The following C7 variants were observed in gnomAD, a reference collection of about 807,000 sequenced individuals.
C7 encodes complement component C7.
In C7, 83 loss-of-function variants were observed where a neutral mutation model predicts 104.8. The ratio of observed to expected loss-of-function variants is 0.79; its 90% CI spans 0.66 to 0.95. The LOEUF is 0.95. Ranked by LOEUF, C7 falls within the 40% of genes least tolerant of loss-of-function variation. The pLI is 0.00. For synonymous variants in C7, 415 were observed against 360.6 expected, an observed-to-expected ratio of 1.15 and a Z score of -1.71; for missense variants, 1,070 against 1,011.2, an observed-to-expected ratio of 1.06 and a Z score of -0.79.
Position 40,981,556 on chromosome 5 carries a change from G to A in C7, c.2515G>A (p.Ala839Thr), listed in dbSNP as rs1477390915. The A allele has an allele frequency of 8.1e-6, 13 of 1,610,740 alleles. No individual in the cohort carries two copies. The highest frequency in any genetic ancestry group is 1.1e-5 in the Non-Finnish European group (13 of 1,177,596). The change falls in exon 18 of 18, where the codon GCT (alanine) becomes ACT (threonine). Residue 839 changes from alanine (A) to threonine (T), a missense_variant. Transcript: ENST00000313164. ...CTCTGTCACCAGCATAAGGCCTTGT[G>A]CTGCGGAAACCCAGTAGGCTCCTGG... is the stretch of plus-strand genomic sequence containing the variant. The part of the protein sequence containing the change: ...SISVTSIRPC[A>T]AETQ
At position 40,967,634 on chromosome 5, in the gene C7, A is replaced by G. The variant is rs145339922; in HGVS notation, c.1882+2761A>G. On this transcript the variant is annotated intron_variant, in intron 14 of 17. Transcript: ENST00000313164. ...ATCATCCTGTATTTGGGTGTGCTGT[A>G]TTTATTTTTATCCTGTATCACCAAG... The G allele has an allele frequency of 3.2e-3, 630 of 198,138 alleles. 5 individuals are homozygous for G. The highest frequency in any genetic ancestry group is 0.014 in the African/African-American group (598 of 42,646). The allele number at this position is 198,138 out of a possible 1,614,324, so 12.3% of individuals were successfully genotyped here.
intron 14 of C7, among the ~76,000 whole-genome samples, chr5:40,970,740 T>G (rs1740681199): frequency 6.6e-6 from 1 of 152,158 alleles, no homozygotes; most frequent in African/African-American, 2.4e-5. Context: ...GTATTTTTCC[T>G]AATGCTTTCC....
rs1741022836 is a variant in C7, at chr5:40,984,499, C to G, written c.*2926C>G. Among the ~76,000 whole-genome samples the G allele has an allele frequency of 6.6e-6, 1 of 152,206 alleles. No individual in the cohort carries two copies. Among genetic ancestry groups the G allele is most frequent in the Non-Finnish European group, 1.5e-5 (1 of 68,028 alleles). ...GCTAAGAGCTGCAAGTGCTGAGCAGCTGGTTTATACAGCATTCCCTGAAAC... is the reference window on the plus strand; with the variant it reads ...GCTAAGAGCTGCAAGTGCTGAGCAGGTGGTTTATACAGCATTCCCTGAAAC... On this transcript the variant is annotated 3_prime_UTR_variant, in exon 18 of 18. Coordinates refer to ENST00000313164, the MANE Select transcript of C7 (RefSeq NM_000587.4).
At chr5:40,939,608 G>A (rs1402887257) in intron 6 of C7, among the ~76,000 whole-genome samples, 1 of 152,216 alleles carries the variant, frequency 6.6e-6, no homozygotes, top group Non-Finnish European at 1.5e-5. Flanking sequence ...CCAGAAAGGA[G>A]AATGTAAGAC....
intron 6 of C7, among the ~76,000 whole-genome samples, chr5:40,943,625 C>T (rs906298489): frequency 3.4e-5 from 5 of 148,952 alleles, no homozygotes; most frequent in African/African-American, 9.9e-5. Context: ...AGATAATAAA[C>T]TAAATATTTT....
At position 40,972,334 on chromosome 5, in the gene C7, A is replaced by C. The variant is rs552066347; in HGVS notation, c.1883-69A>C. 3.8e-6 allele frequency: 5 copies of C among 1,318,872 alleles called. No homozygotes were observed. In the South Asian group the frequency reaches 6.1e-5, roughly 16 times the overall value. The allele number at this position is 1,318,872 out of a possible 1,614,324, so 81.7% of individuals were successfully genotyped here. ...AGCAGAACAAGTGTGTCTGCATCAC[A>C]TAAGACTTTTTTAAAAAGATGGTTT... On this transcript the variant is annotated intron_variant, in intron 14 of 17. Coordinates refer to ENST00000313164, the MANE Select transcript of C7 (RefSeq NM_000587.4).
At chr5:40,948,275 A>G (rs555730951) in intron 8 of C7, among the ~76,000 whole-genome samples, 3 of 152,256 alleles carry the variant, frequency 2.0e-5, no homozygotes, top group East Asian at 3.9e-4. Context: ...TCTGAATATC[A>G]TAAGTTTGTT....
chr5:40,932,399 A>G (rs1739704568), intron 3 of C7, among the ~76,000 whole-genome samples: 2 of 152,200 alleles, frequency 1.3e-5, no homozygotes, highest in African/African-American at 2.4e-5. Context: ...AGTCCTAGAA[A>G]TAAAATGTTT....
intron 16 of C7, among the ~76,000 whole-genome samples, 155 bp from the exon 17 acceptor site, chr5:40,979,570 G>A (rs1157918203): frequency 6.7e-6 from 1 of 148,770 alleles, no homozygotes; most frequent in Non-Finnish European, 1.5e-5. Context: ...GTTGGACCTA[G>A]GAATGAAGGG....
At chr5:40,981,057 T>C (rs1740931014) in intron 17 of C7, among the ~76,000 whole-genome samples, 1 of 152,206 alleles carries the variant, frequency 6.6e-6, no homozygotes, top group Non-Finnish European at 1.5e-5. Context: ...ACTTGGTTCT[T>C]TGTTGAGGGC....
In C7 at chr5:40,976,741, CT is replaced by C; in HGVS notation, c.2075-3del. The stretch of plus-strand genomic sequence containing the variant: ...TCCTAACGACCACATCTCCCTTATC[CT>C]TTTTTAGAAAATCCGTTAACACAGG... On this transcript the variant is annotated splice_region_variant and splice_polypyrimidine_tract_variant and intron_variant, in intron 15 of 17. Coordinates refer to ENST00000313164, the MANE Select transcript of C7 (RefSeq NM_000587.4). 3 of 1,579,674 alleles carry C rather than the reference CT, an allele frequency of 1.9e-6. No homozygotes were observed. The highest frequency in any genetic ancestry group is 2.3e-5 in the East Asian group (1 of 43,740).
intron 4 of C7, 99 bp from the exon 5 acceptor site, chr5:40,936,239 G>A: frequency 1.1e-6 from 1 of 942,708 alleles, no homozygotes; most frequent in Non-Finnish European, 1.7e-6. Flanking sequence ...TGGCGTATCA[G>A]TGCAGTGTTA....
At chr5:40,933,492 C>T (rs1739740230) in intron 3 of C7, among the ~76,000 whole-genome samples, 2 of 152,072 alleles carry the variant, frequency 1.3e-5, no homozygotes, top group African/African-American at 4.8e-5. Flanking sequence ...ATTAAATAAA[C>T]TTTAGTATGA....
chr5:40,972,122 T>G, intron 14 of C7: 1 of 531,680 alleles, frequency 1.9e-6, no homozygotes, highest in Non-Finnish European at 3.5e-6. Flanking sequence ...AGGCTGGGCA[T>G]TAGGACTCTA....
At chr5:40,914,579 G>C (rs1415318230) in intron 1 of C7, among the ~76,000 whole-genome samples, 1 of 152,148 alleles carries the variant, frequency 6.6e-6, no homozygotes, top group African/African-American at 2.4e-5. Context: ...TTTTCTTCTA[G>C]TGTTTTTATA....
At chr5:40,965,186 ACAAT>A (rs1409763299) in intron 14 of C7, among the ~76,000 whole-genome samples, 1 of 152,224 alleles carries the variant, frequency 6.6e-6, no homozygotes, top group Non-Finnish European at 1.5e-5. Flanking sequence ...AGGATGTACC[ACAAT>A]CAATCAACTT....
chr5:40,918,585 A>G (rs572796305), intron 1 of C7, among the ~76,000 whole-genome samples: 1 of 152,266 alleles, frequency 6.6e-6, no homozygotes, highest in South Asian at 2.1e-4. Flanking sequence ...ACAGATTGAA[A>G]ATTAGGCAAT....
At chr5:40,950,105 A>G (rs761586156) in intron 9 of C7, 91 bp downstream of exon 9, 32 of 704,948 alleles carry the variant, frequency 4.5e-5, no homozygotes, top group Non-Finnish European at 7.0e-5. Flanking sequence ...TATGTAGGTA[A>G]ACTTGTGTCA....
At chr5:40,966,642 G>A (rs1475398492) in intron 14 of C7, among the ~76,000 whole-genome samples, 3 of 152,096 alleles carry the variant, frequency 2.0e-5, no homozygotes, top group African/African-American at 7.2e-5. Flanking sequence ...CTCCCAAAGT[G>A]CTGGGATTAC....
Sources: allele counts gnomAD v4.1 joint callset (sites outside exome capture counted in the v4.1 genomes callset), GRCh38; gene constraint gnomAD v4.1.1; transcripts MANE v1.5; gene names NCBI Gene and HGNC (gene_info 2026-07-23, HGNC 2026-07-21).